KHDRBS2: variants seen among roughly 807,000 people sequenced by gnomAD.
The protein encoded by KHDRBS2 is KH domain-containing, RNA-binding, signal transduction-associated protein 2.
Under a neutral mutation model 44.3 loss-of-function variants are expected in KHDRBS2, and 26 were observed. The observed-to-expected ratio is 0.59, with a 90% confidence interval of 0.43 to 0.81. The LOEUF is 0.81. Among genes scored for constraint, KHDRBS2 ranks in the 40% least tolerant of loss-of-function variants. The probability of loss-of-function intolerance (pLI) is 0.00; values close to 1 mark genes in which losing one functional copy is unlikely to be tolerated. For synonymous variants in KHDRBS2, 194 were observed against 151.1 expected, an observed-to-expected ratio of 1.28 and a Z score of -2.08; for missense variants, 476 against 433.1, an observed-to-expected ratio of 1.10 and a Z score of -0.88.
At chr6:62,059,468 A>G (rs1372248586) in intron 2 of KHDRBS2, among the ~76,000 whole-genome samples, 9 of 151,590 alleles carry the variant, frequency 5.9e-5, no homozygotes, top group African/African-American at 2.2e-4. Flanking sequence ...GACTGAAGCA[A>G]TATCCTCAAT....
chr6:62,225,741 T>A (rs1831679056), intron 1 of KHDRBS2, among the ~76,000 whole-genome samples: 1 of 150,968 alleles, frequency 6.6e-6, no homozygotes, highest in South Asian at 2.1e-4. Flanking sequence ...CCTTTGTCCA[T>A]GTGTTCTCAT....
chr6:61,918,684 T>C (rs1254868692), intron 4 of KHDRBS2, among the ~76,000 whole-genome samples: 1 of 151,968 alleles, frequency 6.6e-6, no homozygotes, highest in Non-Finnish European at 1.5e-5. Context: ...TAAGACAGGC[T>C]GTATGGGTGC....
chr6:62,018,493 G>A (rs1378709420), intron 3 of KHDRBS2, among the ~76,000 whole-genome samples: 2 of 151,992 alleles, frequency 1.3e-5, no homozygotes, highest in African/African-American at 2.4e-5. Flanking sequence ...GACTACAGGC[G>A]CCTGCCACCA....
intron 6 of KHDRBS2, among the ~76,000 whole-genome samples, chr6:61,817,709 T>C (rs1789207649): frequency 6.6e-6 from 1 of 152,084 alleles, no homozygotes; most frequent in African/African-American, 2.4e-5. Context: ...TTGTATACAA[T>C]GCCCTGAAAT....
intron 2 of KHDRBS2, among the ~76,000 whole-genome samples, chr6:62,151,707 GGTAT>G (rs534135556): frequency 1.4e-4 from 22 of 151,866 alleles, no homozygotes; most frequent in Admixed American, 1.4e-3. Flanking sequence ...AGAAGAATAT[GGTAT>G]GTACACACAC....
Position 61,838,144 on chromosome 6 carries a change from G to A in KHDRBS2, c.810+56491C>T, listed in dbSNP as rs550089845. Among the ~76,000 whole-genome samples the A allele has an allele frequency of 3.3e-5, 5 of 152,048 alleles. No homozygotes were observed. The South Asian group carries it at 1.0e-3, about 31-fold the overall frequency. The stretch of plus-strand genomic sequence containing the variant: ...ATAAGGATTAATCAAAGATTATCTT[G>A]GTGCAGTGTTTATATGGAATACTTC... On this transcript the variant is annotated intron_variant, in intron 6 of 8. Coordinates refer to ENST00000281156, the MANE Select transcript of KHDRBS2 (RefSeq NM_152688.4).
At chr6:62,170,261 G>A (rs2150118732) in intron 2 of KHDRBS2, among the ~76,000 whole-genome samples, 1 of 152,090 alleles carries the variant, frequency 6.6e-6, no homozygotes, top group South Asian at 2.1e-4. Context: ...GTGTTCACAG[G>A]CTGGTGGAGG....
intron 5 of KHDRBS2, among the ~76,000 whole-genome samples, chr6:61,900,877 G>A (rs1803855741): frequency 6.6e-6 from 1 of 152,178 alleles, no homozygotes; most frequent in South Asian, 2.1e-4. Flanking sequence ...TTCTAATCCT[G>A]AGGATAGAAC....
chr6:62,079,220 CTT>C (rs1437258562), intron 2 of KHDRBS2, among the ~76,000 whole-genome samples: 3 of 152,038 alleles, frequency 2.0e-5, no homozygotes, highest in East Asian at 3.9e-4. Context: ...TGTTTTGTCT[CTT>C]ATTTTAAATG....
At chr6:61,552,737 C>G in the KHDRBS2 span, among the ~76,000 whole-genome samples, 1 of 152,102 alleles carries the variant, frequency 6.6e-6, no homozygotes, top group Non-Finnish European at 1.5e-5. Flanking sequence ...AAAGCCTTTT[C>G]TGCATGTAAC....
chr6:61,938,059 A>G (rs1319827343), intron 4 of KHDRBS2, among the ~76,000 whole-genome samples: 1 of 152,162 alleles, frequency 6.6e-6, no homozygotes, highest in Non-Finnish European at 1.5e-5. Flanking sequence ...AGCAATCAAC[A>G]CAAACCACTA....
chr6:61,737,784 AAGACGT>A (rs955510444), intron 6 of KHDRBS2, among the ~76,000 whole-genome samples: 2 of 152,078 alleles, frequency 1.3e-5, no homozygotes, highest in Non-Finnish European at 2.9e-5. Context: ...GGAAACTCAT[AAGACGT>A]AGGGAAGAGT....
intron 7 of KHDRBS2, among the ~76,000 whole-genome samples, chr6:61,708,681 T>G (rs1341999063): frequency 6.6e-6 from 1 of 151,662 alleles, no homozygotes; most frequent in African/African-American, 2.4e-5. Context: ...ACGAGTACAC[T>G]AAATACATTA....
At chr6:62,097,724 A>G (rs1800929341) in intron 2 of KHDRBS2, among the ~76,000 whole-genome samples, 1 of 152,116 alleles carries the variant, frequency 6.6e-6, no homozygotes, top group Admixed American at 6.5e-5. Context: ...ATTTAAGGTA[A>G]TTACTGCTAA....
intron 6 of KHDRBS2, among the ~76,000 whole-genome samples, chr6:61,795,475 T>A (rs1486657887): frequency 6.7e-6 from 1 of 148,676 alleles, no homozygotes; most frequent in Non-Finnish European, 1.5e-5. Context: ...TGCTTGCACA[T>A]CTTAAAAAAA....
chr6:61,573,435 C>G, the KHDRBS2 span, among the ~76,000 whole-genome samples: 1 of 151,948 alleles, frequency 6.6e-6, no homozygotes, highest in Non-Finnish European at 1.5e-5. Flanking sequence ...TCAAAGTATG[C>G]CCATCATCAT....
chr6:61,598,310 A>C, the KHDRBS2 span, among the ~76,000 whole-genome samples: 1 of 146,054 alleles, frequency 6.8e-6, no homozygotes, highest in Admixed American at 6.7e-5. Context: ...AGCATATGTG[A>C]GACTGATAAC....
chr6:61,961,315 C>T (rs1274469303), intron 4 of KHDRBS2, among the ~76,000 whole-genome samples: 2 of 150,188 alleles, frequency 1.3e-5, no homozygotes, highest in East Asian at 3.9e-4. Context: ...AGATAATAAA[C>T]AACAGCAATA....
chr6:61,555,620 T>C, the KHDRBS2 span, among the ~76,000 whole-genome samples: 2 of 152,228 alleles, frequency 1.3e-5, no homozygotes, highest in African/African-American at 4.8e-5. Context: ...CACTGATTCT[T>C]TTACATCTGT....
Sources: allele counts gnomAD v4.1 joint callset (sites outside exome capture counted in the v4.1 genomes callset), GRCh38; gene constraint gnomAD v4.1.1; transcripts MANE v1.5; gene names NCBI Gene and HGNC (gene_info 2026-07-23, HGNC 2026-07-21).